KHDRBS2: variants seen among roughly 807,000 people sequenced by gnomAD.
KHDRBS2 encodes KH RNA binding domain containing, signal transduction associated 2.
KHDRBS2 carries 26 observed loss-of-function variants against 44.3 expected under a neutral mutation model. The observed-to-expected ratio is 0.59, with a 90% CI of 0.43 to 0.81. KHDRBS2 has a LOEUF of 0.81. Ranked by LOEUF, KHDRBS2 falls within the 40% of genes least tolerant of loss-of-function variation. KHDRBS2 has a pLI of 0.00. For missense variants in KHDRBS2, 476 were observed against 433.1 expected, an observed-to-expected ratio of 1.10 and a Z score of -0.88; for synonymous variants, 194 against 151.1, an observed-to-expected ratio of 1.28 and a Z score of -2.08.
chr6:61,898,826 G>A (rs374637801), intron 5 of KHDRBS2, among the ~76,000 whole-genome samples: 1 of 151,856 alleles, frequency 6.6e-6, no homozygotes, highest in African/African-American at 2.4e-5. Flanking sequence ...ATACTTTTAA[G>A]GGAGGTATTT....
intron 2 of KHDRBS2, among the ~76,000 whole-genome samples, chr6:62,054,634 C>G (rs917432747): frequency 6.6e-6 from 1 of 151,882 alleles, no homozygotes; most frequent in Non-Finnish European, 1.5e-5. Context: ...AGCATGGGCT[C>G]GAGGGATACA....
chr6:62,266,379 A>G (rs1181352489), intron 1 of KHDRBS2, among the ~76,000 whole-genome samples: 2 of 151,948 alleles, frequency 1.3e-5, no homozygotes, highest in African/African-American at 4.8e-5. Flanking sequence ...ATATCAGCGA[A>G]TTATTGCCTC....
chr6:62,179,953 C>G (rs1419391190), intron 1 of KHDRBS2, among the ~76,000 whole-genome samples: 3 of 151,716 alleles, frequency 2.0e-5, no homozygotes, highest in Non-Finnish European at 4.4e-5. Context: ...TTGTATTTGT[C>G]AAATGCATAG....
chr6:61,603,024 T>C, the KHDRBS2 span, among the ~76,000 whole-genome samples: 4 of 152,094 alleles, frequency 2.6e-5, no homozygotes, highest in Non-Finnish European at 5.9e-5. Flanking sequence ...ACTTCCTCCT[T>C]GGCAACAGAT....
intron 3 of KHDRBS2, among the ~76,000 whole-genome samples, chr6:62,008,995 C>A (rs1478004550): frequency 6.6e-6 from 1 of 151,872 alleles, no homozygotes; most frequent in Non-Finnish European, 1.5e-5. Flanking sequence ...TGAAAAGATA[C>A]CTGAAAATGT....
At position 61,927,286 on chromosome 6, in the gene KHDRBS2, TGGTATAAATATTATAA is replaced by T. The variant is rs1482366358; in HGVS notation, c.484-25931_484-25916del. Among the ~76,000 whole-genome samples the T allele has an allele frequency of 3.3e-5, 5 of 152,108 alleles. No individual in the cohort carries two copies. The East Asian group carries it at 9.6e-4, about 29-fold the overall frequency. ...TACAGATTTATTTTCAAAAAACATA[TGGTATAAATATTATAA>T]GCCAAATATTGGTAATATTATTATG... On this transcript the variant is annotated intron_variant, in intron 4 of 8. Coordinates refer to ENST00000281156, the MANE Select transcript of KHDRBS2 (RefSeq NM_152688.4).
chr6:61,903,432 T>A (rs1314424610), intron 4 of KHDRBS2, among the ~76,000 whole-genome samples: 8 of 152,292 alleles, frequency 5.3e-5, no homozygotes, highest in South Asian at 2.1e-4. Flanking sequence ...AGAGCATAAA[T>A]ATTTTTTACA....
At chr6:62,144,759 C>A (rs1196187017) in intron 2 of KHDRBS2, among the ~76,000 whole-genome samples, 1 of 151,880 alleles carries the variant, frequency 6.6e-6, no homozygotes, top group East Asian at 1.9e-4. Context: ...AATATCCCAG[C>A]ATGAAGGTGC....
intron 6 of KHDRBS2, among the ~76,000 whole-genome samples, chr6:61,890,452 C>G (rs2127326431): frequency 6.6e-6 from 1 of 152,290 alleles, no homozygotes; most frequent in Non-Finnish European, 1.5e-5. Context: ...AATTGGAACA[C>G]ACGAGAGGCT....
At chr6:61,861,948 C>G (rs549231236) in intron 6 of KHDRBS2, among the ~76,000 whole-genome samples, 1 of 152,106 alleles carries the variant, frequency 6.6e-6, no homozygotes, top group South Asian at 2.1e-4. Context: ...TTGCTGTATT[C>G]CTAGGTATTT....
At chr6:61,668,458 G>T in the KHDRBS2 span, among the ~76,000 whole-genome samples, 17 of 150,958 alleles carry the variant, frequency 1.1e-4, no homozygotes, top group Non-Finnish European at 3.0e-5. Context: ...GTGTGTAATG[G>T]TCTAAGAAAG....
chr6:61,547,065 T>A, the KHDRBS2 span, among the ~76,000 whole-genome samples: 3 of 152,028 alleles, frequency 2.0e-5, no homozygotes, highest in Non-Finnish European at 2.9e-5. Context: ...GATAGGCCAA[T>A]GAACCTAACG....
At chr6:62,077,658 C>A in intron 2 of KHDRBS2, among the ~76,000 whole-genome samples, 1 of 151,916 alleles carries the variant, frequency 6.6e-6, no homozygotes, top group East Asian at 1.9e-4. Flanking sequence ...AAAAATGGCC[C>A]ACAACACCTT....
At chr6:61,925,636 C>T (rs552592410) in intron 4 of KHDRBS2, among the ~76,000 whole-genome samples, 2 of 150,326 alleles carry the variant, frequency 1.3e-5, no homozygotes, top group Admixed American at 1.3e-4. Context: ...GTGGGAGGAT[C>T]GATTAAGCCT....
chr6:61,665,551 T>C, the KHDRBS2 span, among the ~76,000 whole-genome samples: 1 of 151,352 alleles, frequency 6.6e-6, no homozygotes, highest in Admixed American at 6.6e-5. Context: ...CAAAACTGTG[T>C]AATCAATAAA....
At chr6:61,920,309 C>G (rs1326788170) in intron 4 of KHDRBS2, among the ~76,000 whole-genome samples, 1 of 151,666 alleles carries the variant, frequency 6.6e-6, no homozygotes, top group African/African-American at 2.4e-5. Flanking sequence ...TAAAATAGAT[C>G]AATAATAGTA....
At position 62,177,292 on chromosome 6, in the gene KHDRBS2, A is replaced by T; in HGVS notation, c.112T>A (p.Ser38Thr). The T allele has an allele frequency of 6.3e-7, 1 of 1,596,198 alleles. No homozygotes were observed. Reference protein sequence around the residue: ...LAEEIEKFQGSDGKKEDEEKK... With the variant: ...LAEEIEKFQGTDGKKEDEEKK... ...TCTTCGTCTTCCTTTTTTCCATCAG[A>T]ACCTTGAAACTTTTCAATTTCTGGA... The change falls in exon 2 of 9, where the codon TCT (serine) becomes ACT (threonine). Residue 38 changes from serine to threonine, a missense_variant. By Grantham distance (58) the Ser-to-Thr change is moderately conservative. Coordinates refer to ENST00000281156, the MANE Select transcript of KHDRBS2 (RefSeq NM_152688.4).
intron 4 of KHDRBS2, among the ~76,000 whole-genome samples, chr6:61,960,740 C>T (rs1257474847): frequency 2.0e-5 from 3 of 152,080 alleles, no homozygotes; most frequent in African/African-American, 4.8e-5. Context: ...TCTTCCTATA[C>T]ATAAATTTAT....
chr6:61,698,348 TC>T (rs1436386224), intron 7 of KHDRBS2, among the ~76,000 whole-genome samples: 1 of 152,110 alleles, frequency 6.6e-6, no homozygotes, highest in Non-Finnish European at 1.5e-5. Context: ...TCATACTTAC[TC>T]CCTAGGCAGT....
Sources: allele counts gnomAD v4.1 joint callset (sites outside exome capture counted in the v4.1 genomes callset), GRCh38; gene constraint gnomAD v4.1.1; transcripts MANE v1.5; gene names NCBI Gene and HGNC (gene_info 2026-07-23, HGNC 2026-07-21).